Variants in NEIL3 observed in about 807,000 individuals in gnomAD.
NEIL3 encodes nei like DNA glycosylase 3, also known as endonuclease 8-like 3.
Under a neutral mutation model 57.5 loss-of-function variants are expected in NEIL3, and 48 were observed. The ratio of observed to expected loss-of-function variants is 0.83; its 90% confidence interval spans 0.66 to 1.06. The LOEUF is 1.06. Ranked by LOEUF, NEIL3 falls within the 50% of genes least tolerant of loss-of-function variation. The pLI is 0.00. For missense variants in NEIL3, 717 were observed against 739.1 expected (o/e 0.97, Z 0.35); for synonymous variants, 261 against 253.2 (o/e 1.03, Z -0.29).
In NEIL3 at chr4:177,322,494, CT is replaced by C; in HGVS notation, c.194del (p.Leu65Ter). ...ALNNDSSQNV[L>X]SLFNGYVYSG... ...TGAATAATGATTCCAGCCAGAATGT[CT>C]TGAGCCTGTTTAATGGATATGTTTA... On this transcript the variant is annotated frameshift_variant, in exon 2 of 10. Transcript: ENST00000264596. LOFTEE classifies it high-confidence loss of function. The C allele has an allele frequency of 6.2e-7, 1 of 1,613,960 alleles. No individual in the cohort carries two copies. The highest frequency in any genetic ancestry group is 8.5e-7 in the Non-Finnish European group (1 of 1,179,886).
chr4:177,316,348 C>T (rs990309837), intron 1 of NEIL3, among the ~76,000 whole-genome samples: 1 of 152,076 alleles, frequency 6.6e-6, no homozygotes, highest in African/African-American at 2.4e-5. Context: ...CACAGAGGAA[C>T]TCCTCCCTAA....
At chr4:177,357,569 G>GT (rs1439744200) in intron 8 of NEIL3, among the ~76,000 whole-genome samples, 4 of 152,110 alleles carry the variant, frequency 2.6e-5, no homozygotes, top group African/African-American at 9.7e-5. Flanking sequence ...CTTGATGATA[G>GT]TTTTTGTCTG....
chr4:177,368,357 A>G, the NEIL3 span, among the ~76,000 whole-genome samples: 1 of 152,196 alleles, frequency 6.6e-6, no homozygotes, highest in East Asian at 1.9e-4. Flanking sequence ...ATCATTGTAT[A>G]TTATAGTTCA....
chr4:177,364,672 G>T (rs1735669367), downstream of NEIL3, among the ~76,000 whole-genome samples: 1 of 152,166 alleles, frequency 6.6e-6, no homozygotes, highest in African/African-American at 2.4e-5. Flanking sequence ...GCTCACACCT[G>T]TAATCCCAGC....
intron 2 of NEIL3, among the ~76,000 whole-genome samples, chr4:177,325,083 A>G (rs1344037481): frequency 6.6e-6 from 1 of 152,140 alleles, no homozygotes; most frequent in Non-Finnish European, 1.5e-5. Context: ...ACCAGAAACT[A>G]TATCTGAGAT....
At chr4:177,349,892 T>G (rs1735316270) in intron 6 of NEIL3, among the ~76,000 whole-genome samples, 1 of 152,188 alleles carries the variant, frequency 6.6e-6, no homozygotes, top group Non-Finnish European at 1.5e-5. Context: ...TAAAAGTCAT[T>G]TAAATTGTGT....
chr4:177,319,642 G>A (rs1734638608), intron 1 of NEIL3, among the ~76,000 whole-genome samples: 1 of 151,996 alleles, frequency 6.6e-6, no homozygotes, highest in Non-Finnish European at 1.5e-5. Flanking sequence ...AGTGTAATGT[G>A]TCATTCTTAT....
chr4:177,350,007 T>C (rs1373511440), intron 6 of NEIL3, among the ~76,000 whole-genome samples: 1 of 152,186 alleles, frequency 6.6e-6, no homozygotes, highest in Non-Finnish European at 1.5e-5. Context: ...TGATATTCCA[T>C]AGGGATAATA....
In NEIL3 at chr4:177,341,657, T is replaced by C. The variant is rs28618113; in HGVS notation, c.869+15T>C. On this transcript the variant is annotated intron_variant, in intron 6 of 9. Coordinates refer to ENST00000264596, the MANE Select transcript of NEIL3 (RefSeq NM_018248.3). ...GTTGACATATGGTAAGATATTGAATTTAAAGGGATACCATTTGCCCTAACC... is the reference window on the plus strand; with the variant it reads ...GTTGACATATGGTAAGATATTGAATCTAAAGGGATACCATTTGCCCTAACC... The C allele has an allele frequency of 0.2, 317,379 of 1,603,196 alleles. 32,525 individuals carry two copies. Among genetic ancestry groups the C allele is most frequent in the Non-Finnish European group, 0.21 (249,481 of 1,172,878 alleles).
chr4:177,320,383 C>A (rs1301036302), intron 1 of NEIL3, among the ~76,000 whole-genome samples: 1 of 150,400 alleles, frequency 6.6e-6, no homozygotes, highest in Non-Finnish European at 1.5e-5. Context: ...AAAGACTGAG[C>A]TTTGAGGACA....
chr4:177,311,681 A>T (rs1054919288), intron 1 of NEIL3, among the ~76,000 whole-genome samples: 3 of 151,286 alleles, frequency 2.0e-5, no homozygotes, highest in Non-Finnish European at 4.4e-5. Context: ...TCTCAAAAAA[A>T]AAAAAAAAAA....
At chr4:177,318,934 T>G (rs1055947536) in intron 1 of NEIL3, among the ~76,000 whole-genome samples, 15 of 152,364 alleles carry the variant, frequency 9.8e-5, no homozygotes, top group Middle Eastern at 3.4e-3. Context: ...CAGTAAACTT[T>G]TCTAAAATGA....
intron 1 of NEIL3, 149 bp from the exon 2 acceptor site, chr4:177,322,310 A>G (rs141155634): frequency 2.8e-6 from 3 of 1,085,412 alleles, no homozygotes; most frequent in African/African-American, 1.6e-5. Flanking sequence ...TAAACAGCCG[A>G]TTACATTACA....
At chr4:177,317,571 A>G (rs1293941271) in intron 1 of NEIL3, among the ~76,000 whole-genome samples, 1 of 104,990 alleles carries the variant, frequency 9.5e-6, no homozygotes, top group Non-Finnish European at 2.1e-5. Flanking sequence ...TGGCCACATC[A>G]TTTTCCACGG....
intron 2 of NEIL3, among the ~76,000 whole-genome samples, chr4:177,330,874 T>G (rs1426431510): frequency 2.0e-5 from 3 of 152,348 alleles, no homozygotes; most frequent in Admixed American, 6.5e-5. Flanking sequence ...TAATTTGAAC[T>G]AATAACATTT....
chr4:177,335,913 A>C, intron 3 of NEIL3, 91 bp downstream of exon 3: 1 of 1,260,810 alleles, frequency 7.9e-7, no homozygotes, highest in Middle Eastern at 2.8e-4. Flanking sequence ...CAAATAAATA[A>C]AGAGTTTGTA....
At chr4:177,310,256 T>C in intron 1 of NEIL3, 147 bp downstream of exon 1, 1 of 982,222 alleles carries the variant, frequency 1.0e-6, no homozygotes, top group Non-Finnish European at 1.4e-6. Flanking sequence ...ATCGTCACTT[T>C]ACTGTAGGGA....
rs1274794939 is a variant in NEIL3 at position 177,309,943 on chromosome 4, C to G, written c.-11C>G. The G allele has an allele frequency of 1.2e-6, 2 of 1,604,908 alleles. No homozygotes were observed. Among genetic ancestry groups the G allele is most frequent in the Non-Finnish European group, 1.7e-6 (2 of 1,176,406 alleles). Reference sequence around the variant, plus strand: ...CCCTGCAATCGGTGGGCCACAGTGCCGGCCACAGAGATGGTGGAAGGACCA... The same window carrying G: ...CCCTGCAATCGGTGGGCCACAGTGCGGGCCACAGAGATGGTGGAAGGACCA... On this transcript the variant is annotated 5_prime_UTR_variant, in exon 1 of 10. Coordinates refer to ENST00000264596, the MANE Select transcript of NEIL3 (RefSeq NM_018248.3).
At chr4:177,338,679 G>C (rs1177954031) in intron 4 of NEIL3, among the ~76,000 whole-genome samples, 1 of 152,136 alleles carries the variant, frequency 6.6e-6, no homozygotes, top group African/African-American at 2.4e-5. Flanking sequence ...GGCTGTGTCA[G>C]AAAAAAATTC....
Sources: allele counts gnomAD v4.1 joint callset (sites outside exome capture counted in the v4.1 genomes callset), GRCh38; gene constraint gnomAD v4.1.1; transcripts MANE v1.5; gene names NCBI Gene and HGNC (gene_info 2026-07-23, HGNC 2026-07-21).